The following KCTD10 variants were observed in gnomAD, a reference collection of about 807,000 sequenced individuals.
The protein encoded by KCTD10 is BTB/POZ domain-containing adapter for CUL3-mediated RhoA degradation protein 3.
In KCTD10, 13 loss-of-function variants were observed where a neutral mutation model predicts 34.6. The observed-to-expected ratio is 0.38, with a 90% confidence interval of 0.24 to 0.60. KCTD10 has a LOEUF of 0.60. Among genes scored for constraint, KCTD10 ranks in the 20% least tolerant of loss-of-function variants. The probability of loss-of-function intolerance (pLI) is 0.66; values close to 1 mark genes in which losing one functional copy is unlikely to be tolerated. For missense variants in KCTD10, 256 were observed against 420.3 expected, an observed-to-expected ratio of 0.61 and a Z score of 3.42; for synonymous variants, 156 against 168.8, an observed-to-expected ratio of 0.92 and a Z score of 0.59.
intron 2 of KCTD10, among the ~76,000 whole-genome samples, chr12:109,467,325 AAC>A (rs1277216623): frequency 6.6e-6 from 1 of 152,238 alleles, no homozygotes; most frequent in Non-Finnish European, 1.5e-5. Flanking sequence ...GATTAAATGA[AAC>A]AATACCCATC....
At chr12:109,452,854 T>TTTTTTTTTTTA (rs1228946105) in intron 6 of KCTD10, among the ~76,000 whole-genome samples, 3 of 151,152 alleles carry the variant, frequency 2.0e-5, no homozygotes, top group African/African-American at 4.9e-5. Flanking sequence ...CCTTTTTTTT[T>TTTTTTTTTTTA]AAAAGATATG....
At chr12:109,472,747 C>T (rs11066782) in intron 1 of KCTD10, among the ~76,000 whole-genome samples, 25,779 of 152,146 alleles carry the variant, frequency 0.17, 2,244 homozygotes, top group African/African-American at 0.18. Context: ...CACTGGGCTA[C>T]AGGAATTTTT....
At chr12:109,472,036 G>A (rs975900220) in intron 1 of KCTD10, among the ~76,000 whole-genome samples, 4 of 152,122 alleles carry the variant, frequency 2.6e-5, no homozygotes, top group Non-Finnish European at 4.4e-5. Context: ...AAATGTGAAG[G>A]TCTAGGACAT....
At chr12:109,474,411 A>G (rs770251417) in intron 1 of KCTD10, among the ~76,000 whole-genome samples, 7 of 152,190 alleles carry the variant, frequency 4.6e-5, no homozygotes, top group Non-Finnish European at 1.0e-4. Context: ...TCTCCCCTGA[A>G]TATAATGTTG....
At chr12:109,453,654 C>T (rs77902418) in intron 6 of KCTD10, among the ~76,000 whole-genome samples, 6,543 of 152,210 alleles carry the variant, frequency 0.043, 163 homozygotes, top group Non-Finnish European at 0.057. Flanking sequence ...TCTTCATGCT[C>T]CTGGGCCCAA....
At chr12:109,475,289 C>T (rs930554711) in intron 1 of KCTD10, among the ~76,000 whole-genome samples, 10 of 151,726 alleles carry the variant, frequency 6.6e-5, no homozygotes, top group African/African-American at 2.2e-4. Flanking sequence ...GCCTGAGCAA[C>T]ATAAGACCTA....
chr12:109,467,675 T>C (rs1330159085), intron 2 of KCTD10, among the ~76,000 whole-genome samples: 1 of 151,942 alleles, frequency 6.6e-6, no homozygotes, highest in Non-Finnish European at 1.5e-5. Flanking sequence ...CTTTTCATAA[T>C]GATATGAAGC....
rs1208759635 is a variant in KCTD10 at position 109,460,053 on chromosome 12, G to A, written c.387+583C>T. ...GGTGCGGGGCCAGACACAGACATGTGGTGTGGGGGAGGCCCAAACAAGGGC... is the reference window on the plus strand; with the variant it reads ...GGTGCGGGGCCAGACACAGACATGTAGTGTGGGGGAGGCCCAAACAAGGGC... On this transcript the variant is annotated intron_variant, in intron 3 of 6. Coordinates refer to ENST00000228495, the MANE Select transcript of KCTD10 (RefSeq NM_031954.5). The surrounding 1 kb of genome is among the most constrained non-coding windows in gnomAD (Gnocchi z 4.5). 6.6e-6 allele frequency among the ~76,000 whole-genome samples: 1 copy of A among 152,196 alleles called. No homozygotes were observed. The highest frequency in any genetic ancestry group is 2.4e-5 in the African/African-American group (1 of 41,448).
Position 109,451,614 on chromosome 12 carries a change from C to T in KCTD10, c.923G>A (p.Arg308Gln). 2.5e-6 allele frequency: 4 copies of T among 1,608,264 alleles called. No individual in the cohort carries two copies. Among genetic ancestry groups the T allele is most frequent in the Non-Finnish European group, 2.5e-6 (3 of 1,178,026 alleles). ...RRIHIKRPDDRAHLHQ is the reference protein window; with the variant it reads ...RRIHIKRPDDQAHLHQ Reference sequence around the variant, plus strand: ...GCCTGCTCACTGGTGGAGGTGGGCCCGGTCATCAGGGCGCTTGATGTGGAT... The same window carrying T: ...GCCTGCTCACTGGTGGAGGTGGGCCTGGTCATCAGGGCGCTTGATGTGGAT... The change falls in exon 7 of 7, where the codon CGG becomes CAG. Residue 308 changes from arginine to glutamine, a missense_variant. Physicochemically the swap from Arg to Gln is conservative, Grantham distance 43. Coordinates refer to ENST00000228495, the MANE Select transcript of KCTD10 (RefSeq NM_031954.5). The surrounding 1 kb of genome is among the most constrained non-coding windows in gnomAD (Gnocchi z 5.0).
chr12:109,454,193 C>T (rs1057507116), intron 6 of KCTD10, among the ~76,000 whole-genome samples: 9 of 152,198 alleles, frequency 5.9e-5, no homozygotes, highest in Non-Finnish European at 1.2e-4. Flanking sequence ...CAGATGCTAG[C>T]GCCAAGGTGA....
rs761692943 is a variant in KCTD10, at chr12:109,457,677, G to A, written c.480C>T (p.Ala160=). ...TACTTCTGTTGTAGAGCAACTTCAC[G>A]GCTGGCTGTGGGTTGTTTTAAAAGA... is the stretch of plus-strand genomic sequence containing the variant. ...QKLIATSNKP[A]VKLLYNRSNN... Residue 160 remains alanine (A), a synonymous_variant, in exon 5 of 7, where the codon GCC becomes GCT. Coordinates refer to ENST00000228495, the MANE Select transcript of KCTD10 (RefSeq NM_031954.5). 6.8e-6 allele frequency: 11 copies of A among 1,614,162 alleles called. No individual in the cohort carries two copies. The highest frequency in any genetic ancestry group is 1.6e-4 in the Middle Eastern group (1 of 6,062).
intron 1 of KCTD10, chr12:109,470,070 G>A (rs958017029): frequency 9.8e-6 from 11 of 1,121,032 alleles, no homozygotes; most frequent in Non-Finnish European, 1.1e-5. Flanking sequence ...GCACAAGGGT[G>A]CCCCTAACTC....
At chr12:109,469,373 G>A (rs186573790) in intron 2 of KCTD10, 142 bp downstream of exon 2, 43 of 936,548 alleles carry the variant, frequency 4.6e-5, no homozygotes, top group African/African-American at 1.5e-4. Flanking sequence ...GCAAATCAAC[G>A]ACCAAGTCAA....
chr12:109,456,852 AC>A (rs1415498669), intron 5 of KCTD10: 1 of 162,270 alleles, frequency 6.2e-6, no homozygotes, highest in Non-Finnish European at 1.4e-5. Context: ...ACTTTAGAAA[AC>A]AGTTTGGCAG....
intron 2 of KCTD10, 182 bp downstream of exon 2, chr12:109,469,333 G>A (rs940506485): frequency 6.0e-6 from 4 of 661,414 alleles, no homozygotes; most frequent in African/African-American, 5.5e-5. Flanking sequence ...TAAGCCCTGG[G>A]TGAGGAAGTG....
chr12:109,461,777 G>A (rs376416932), intron 2 of KCTD10, among the ~76,000 whole-genome samples: 1 of 151,820 alleles, frequency 6.6e-6, no homozygotes, highest in African/African-American at 2.4e-5. Flanking sequence ...AGACAGATGA[G>A]AGGGTGAAGT....
intron 2 of KCTD10, among the ~76,000 whole-genome samples, chr12:109,462,173 T>C (rs1244205731): frequency 6.6e-6 from 1 of 152,234 alleles, no homozygotes; most frequent in African/African-American, 2.4e-5. Context: ...CCCTGCCAAG[T>C]GCCCTCTCAT....
chr12:109,465,603 G>C (rs1338382589), intron 2 of KCTD10, among the ~76,000 whole-genome samples: 3 of 152,146 alleles, frequency 2.0e-5, no homozygotes, highest in Admixed American at 6.5e-5. Context: ...AAGGGAGAGG[G>C]ACAAACAGAG....
At chr12:109,467,005 GAC>G (rs1184529929) in intron 2 of KCTD10, among the ~76,000 whole-genome samples, 1 of 152,248 alleles carries the variant, frequency 6.6e-6, no homozygotes, top group Non-Finnish European at 1.5e-5. Flanking sequence ...CGCTCTGCCA[GAC>G]ACAGACAACA....
Sources: gnomAD v4.1 joint callset for allele counts (sites outside exome capture counted in the v4.1 genomes callset) on GRCh38, gnomAD v4.1.1 for gene constraint, Gnocchi (gnomAD v3.1) non-coding constraint, MANE v1.5 for transcripts, NCBI Gene and HGNC (gene_info 2026-07-23, HGNC 2026-07-21) for gene names.